C12orf42: variants seen among roughly 807,000 people sequenced by gnomAD.
The protein encoded by C12orf42 is chromosome 12 open reading frame 42.
Under a neutral mutation model 21.6 loss-of-function variants are expected in C12orf42, and 25 were observed. The ratio of observed to expected loss-of-function variants is 1.16; its 90% CI spans 0.84 to 1.62. The LOEUF (loss-of-function observed/expected upper bound fraction) is 1.62, where lower values mean the gene tolerates loss of function less well. Among genes scored for constraint, C12orf42 ranks in the 40% most tolerant of loss-of-function variants. C12orf42 has a pLI of 0.00. For synonymous variants in C12orf42, 174 were observed against 175.0 expected (o/e 0.99, Z 0.05); for missense variants, 483 against 459.3 (o/e 1.05, Z -0.47).
At chr12:103,166,752 T>C in the C12orf42 span, among the ~76,000 whole-genome samples, 17 of 152,188 alleles carry the variant, frequency 1.1e-4, no homozygotes, top group African/African-American at 4.1e-4. Flanking sequence ...ACCCATTTGA[T>C]TTAGTGTTAT....
chr12:103,336,236 A>G (rs2041680646), intron 4 of C12orf42, among the ~76,000 whole-genome samples: 1 of 152,200 alleles, frequency 6.6e-6, no homozygotes. Context: ...TATTGTTGCT[A>G]TCACTGGCCT....
chr12:103,153,335 T>C, the C12orf42 span, among the ~76,000 whole-genome samples: 541 of 152,242 alleles, frequency 3.6e-3, 1 homozygote, highest in African/African-American at 0.012. Flanking sequence ...AATCAAACTA[T>C]ATTATAATTA....
chr12:103,441,144 T>C (rs1592829397), intron 2 of C12orf42, among the ~76,000 whole-genome samples: 1 of 152,224 alleles, frequency 6.6e-6, no homozygotes, highest in East Asian at 1.9e-4. Context: ...GACTCCTAAG[T>C]ATTATATTTT....
At chr12:103,154,048 A>AAAGAAT in the C12orf42 span, among the ~76,000 whole-genome samples, 1 of 149,140 alleles carries the variant, frequency 6.7e-6, no homozygotes, top group Non-Finnish European at 1.5e-5. Context: ...AAAAAAAAAA[A>AAAGAAT]AAGAATGTGG....
intron 2 of C12orf42, among the ~76,000 whole-genome samples, chr12:103,475,513 G>A (rs986919534): frequency 9.2e-5 from 14 of 152,128 alleles, no homozygotes; most frequent in Admixed American, 3.9e-4. Context: ...CTCTCTCACC[G>A]AAAAAGAGTG....
At chr12:103,249,449 C>T (rs769118064) in intron 10 of C12orf42, among the ~76,000 whole-genome samples, 19 of 152,024 alleles carry the variant, frequency 1.2e-4, no homozygotes, top group Non-Finnish European at 2.4e-4. Context: ...TCCAGAATCT[C>T]GACATAAGTG....
chr12:103,163,106 C>T, the C12orf42 span, among the ~76,000 whole-genome samples: 3 of 152,182 alleles, frequency 2.0e-5, no homozygotes, highest in Non-Finnish European at 4.4e-5. Context: ...ACTTTTTACT[C>T]ACATCAGTGT....
At chr12:103,401,168 C>T (rs567750344) in intron 3 of C12orf42, among the ~76,000 whole-genome samples, 2 of 152,174 alleles carry the variant, frequency 1.3e-5, no homozygotes, top group South Asian at 4.2e-4. Flanking sequence ...GCGTTAGCAA[C>T]CAATTAGTAG....
chr12:103,506,344 C>G, the C12orf42 span, among the ~76,000 whole-genome samples: 2 of 133,868 alleles, frequency 1.5e-5, no homozygotes, highest in Non-Finnish European at 3.1e-5. Flanking sequence ...AAAAAAAAAC[C>G]AGTGCAGTCA....
At chr12:103,063,946 G>C in the C12orf42 span, among the ~76,000 whole-genome samples, 1 of 152,112 alleles carries the variant, frequency 6.6e-6, no homozygotes, top group South Asian at 2.1e-4. Context: ...TTGTAGCTCA[G>C]GGAGTTAAAA....
At chr12:103,107,841 T>C in the C12orf42 span, among the ~76,000 whole-genome samples, 1 of 151,404 alleles carries the variant, frequency 6.6e-6, no homozygotes, top group Non-Finnish European at 1.5e-5. Flanking sequence ...GCTTGACTGA[T>C]TGAAAAAAAA....
At chr12:103,301,652 C>A (rs1210419622), downstream of C12orf42, among the ~76,000 whole-genome samples, 2 of 152,158 alleles carry the variant, frequency 1.3e-5, no homozygotes, top group African/African-American at 4.8e-5. Flanking sequence ...CAGGAGTAAT[C>A]AAATTTCATG....
intron 4 of C12orf42, among the ~76,000 whole-genome samples, chr12:103,311,254 T>C (rs1459244818): frequency 6.6e-6 from 1 of 151,974 alleles, no homozygotes; most frequent in Non-Finnish European, 1.5e-5. Flanking sequence ...AATAAGCCAC[T>C]AGGTATGATG....
At chr12:103,121,517 G>C in the C12orf42 span, among the ~76,000 whole-genome samples, 1 of 152,214 alleles carries the variant, frequency 6.6e-6, no homozygotes, top group Admixed American at 6.5e-5. Flanking sequence ...TGATTTCTGT[G>C]CCATTTGGGC....
At chr12:103,424,814 G>A (rs1031248921) in intron 2 of C12orf42, among the ~76,000 whole-genome samples, 1 of 152,154 alleles carries the variant, frequency 6.6e-6, no homozygotes, top group Non-Finnish European at 1.5e-5. Flanking sequence ...CCCCAGTGGT[G>A]CCTGGAACAC....
At chr12:103,200,116 G>A in the C12orf42 span, among the ~76,000 whole-genome samples, 3 of 151,952 alleles carry the variant, frequency 2.0e-5, no homozygotes, top group African/African-American at 7.3e-5. Context: ...AAAAAAATAC[G>A]GTATACACAT....
chr12:103,425,952 C>G (rs904388736), intron 2 of C12orf42, among the ~76,000 whole-genome samples: 10 of 152,204 alleles, frequency 6.6e-5, no homozygotes, highest in Admixed American at 3.9e-4. Context: ...AAAACCCCAT[C>G]CAAAGGTCAC....
intron 4 of C12orf42, among the ~76,000 whole-genome samples, chr12:103,287,126 C>A (rs1479435398): frequency 6.6e-6 from 1 of 152,186 alleles, no homozygotes; most frequent in African/African-American, 2.4e-5. Flanking sequence ...CTAGTTCAAC[C>A]ATTGTGGAAG....
chr12:103,095,159 C>T, the C12orf42 span, among the ~76,000 whole-genome samples: 2 of 152,156 alleles, frequency 1.3e-5, no homozygotes, highest in African/African-American at 4.8e-5. Flanking sequence ...GGTCCCTTCC[C>T]TCATAGTCTA....
Sources: gnomAD v4.1 joint callset for allele counts (sites outside exome capture counted in the v4.1 genomes callset) on GRCh38, gnomAD v4.1.1 for gene constraint, MANE v1.5 for transcripts, NCBI Gene and HGNC (gene_info 2026-07-23, HGNC 2026-07-21) for gene names.